The following ODAD2 variants were observed in gnomAD, a reference collection of about 807,000 sequenced individuals.
ODAD2 encodes outer dynein arm-docking complex subunit 2.
ODAD2 carries 89 observed loss-of-function variants against 106.8 expected under a neutral mutation model. The ratio of observed to expected loss-of-function variants is 0.83; its 90% CI spans 0.70 to 0.99. The LOEUF (loss-of-function observed/expected upper bound fraction) is 0.99. Among genes scored for constraint, ODAD2 ranks in the 50% least tolerant of loss-of-function variants. The pLI is 0.00. For missense variants in ODAD2, 1,168 were observed against 1,238.5 expected, an observed-to-expected ratio of 0.94 and a Z score of 0.85; for synonymous variants, 404 against 436.2, an observed-to-expected ratio of 0.93 and a Z score of 0.92.
intron 7 of ODAD2, among the ~76,000 whole-genome samples, chr10:27,971,536 C>T (rs1848862873): frequency 6.6e-6 from 1 of 152,154 alleles, no homozygotes; most frequent in Non-Finnish European, 1.5e-5. Context: ...TGCAGCACAA[C>T]AGATACAACT....
chr10:27,891,499 A>T (rs1373959300), intron 17 of ODAD2, among the ~76,000 whole-genome samples: 1 of 152,054 alleles, frequency 6.6e-6, no homozygotes, highest in East Asian at 1.9e-4. Flanking sequence ...TGGAAGACAT[A>T]TTGAGTTTTC....
chr10:27,986,913 G>A lies in ODAD2; in HGVS notation c.382+473C>T, dbSNP rs185555601. Among the ~76,000 whole-genome samples the A allele has an allele frequency of 9.2e-4, 140 of 152,334 alleles. 1 individual carries two copies. Among genetic ancestry groups the A allele is most frequent in the African/African-American group, 3.3e-3 (139 of 41,580 alleles). ...GAATATGGCTGAGAAAAGTGGAAAG[G>A]GAGACTATTAAAGGCTGTCTCTGCT... On this transcript the variant is annotated intron_variant, in intron 3 of 19. Coordinates refer to ENST00000305242, the MANE Select transcript of ODAD2 (RefSeq NM_018076.5).
At chr10:27,820,718 A>T (rs1836533601) in intron 19 of ODAD2, among the ~76,000 whole-genome samples, 1 of 150,136 alleles carries the variant, frequency 6.7e-6, no homozygotes, top group Non-Finnish European at 1.5e-5. Flanking sequence ...TTCATTCTAT[A>T]TCCCATATGC....
At position 27,995,110 on chromosome 10, in the gene ODAD2, C is replaced by T; in HGVS notation, c.33G>A (p.Trp11Ter). 6.2e-7 allele frequency: 1 copy of T among 1,614,122 alleles called. No individual in the cohort carries two copies. Among genetic ancestry groups the T allele is most frequent in the Non-Finnish European group, 8.5e-7 (1 of 1,180,022 alleles). MGVALRKLTQ[W>*]TAAGHGTGIL... ...TTCCAGTTCCATGTCCGGCAGCAGT[C>T]CACTGCGTCAATTTCCTCAGAGCCA... The change falls in exon 2 of 20, where the codon TGG (tryptophan) becomes TGA (stop). Residue 11 changes from tryptophan to a stop codon, truncating the protein, a stop_gained. Coordinates refer to ENST00000305242, the MANE Select transcript of ODAD2 (RefSeq NM_018076.5). LOFTEE classifies it high-confidence loss of function.
chr10:27,920,892 T>C (rs1262376075), intron 16 of ODAD2, among the ~76,000 whole-genome samples: 1 of 151,718 alleles, frequency 6.6e-6, no homozygotes, highest in Non-Finnish European at 1.5e-5. Flanking sequence ...TGCAACATAA[T>C]TATGTTTAAA....
At chr10:27,922,411 A>G (rs962242071) in intron 16 of ODAD2, among the ~76,000 whole-genome samples, 1 of 152,106 alleles carries the variant, frequency 6.6e-6, no homozygotes, top group African/African-American at 2.4e-5. Context: ...ATATATATGT[A>G]ACTGTTGATC....
At chr10:27,996,475 A>G (rs1317588977) in intron 1 of ODAD2, among the ~76,000 whole-genome samples, 1 of 152,142 alleles carries the variant, frequency 6.6e-6, no homozygotes, top group African/African-American at 2.4e-5. Flanking sequence ...ATCGGCCTTT[A>G]GTGTTGAGGA....
chr10:27,965,320 GA>G (rs768086264), intron 9 of ODAD2, among the ~76,000 whole-genome samples: 101 of 152,310 alleles, frequency 6.6e-4, no homozygotes, highest in Non-Finnish European at 5.4e-4. Flanking sequence ...AGAGCCTAGG[GA>G]AAAGAAGATC....
At chr10:27,951,747 T>C (rs1163689583) in intron 10 of ODAD2, among the ~76,000 whole-genome samples, 1 of 151,424 alleles carries the variant, frequency 6.6e-6, no homozygotes, top group Non-Finnish European at 1.5e-5. Flanking sequence ...CATGAAGAAA[T>C]AGAAGATATT....
rs1842718474 is a variant in ODAD2, at chr10:27,894,026, T to C, written c.2610+13637A>G. Among the ~76,000 whole-genome samples, 8 of 152,068 alleles carry C rather than the reference T, an allele frequency of 5.3e-5. No individual in the cohort carries two copies. The South Asian group carries it at 1.7e-3, about 32-fold the overall frequency. On this transcript the variant is annotated intron_variant, in intron 17 of 19. Transcript: ENST00000305242. ...CAGGCATGGTGGCTCAGGCCTGGAG[T>C]CCTAACTACTCTGGAGGCTGAGGCA... is the stretch of plus-strand genomic sequence containing the variant.
chr10:27,939,467 G>C (rs1306927616), intron 14 of ODAD2, among the ~76,000 whole-genome samples: 2 of 152,156 alleles, frequency 1.3e-5, no homozygotes, highest in Admixed American at 1.3e-4. Context: ...TGTAATCCCA[G>C]CACTTTGGGA....
intron 2 of ODAD2, among the ~76,000 whole-genome samples, chr10:27,994,055 A>G (rs1186720153): frequency 4.0e-5 from 6 of 151,676 alleles, no homozygotes; most frequent in Non-Finnish European, 8.8e-5. Context: ...TAATGAACTA[A>G]TACATTCTTA....
chr10:27,961,692 T>G lies in ODAD2; in HGVS notation c.1262A>C (p.Glu421Ala). 1 of 1,606,904 alleles carries G rather than the reference T, an allele frequency of 6.2e-7. No individual in the cohort carries two copies. The highest frequency in any genetic ancestry group is 2.2e-5 in the East Asian group (1 of 44,816). The change falls in exon 10 of 20, where the codon GAA becomes GCA. Residue 421 changes from glutamate (E) to alanine (A), a missense_variant. This residue lies in a region of ODAD2 where 37 missense variants were observed against 74.1 expected (regional missense o/e 0.50). Coordinates refer to ENST00000305242, the MANE Select transcript of ODAD2 (RefSeq NM_018076.5). ...TTCTGAGGAGCTATCGCTAACAGTTTCCTCAATCTTTTCAGCACTCTTCCT... is the reference window on the plus strand; with the variant it reads ...TTCTGAGGAGCTATCGCTAACAGTTGCCTCAATCTTTTCAGCACTCTTCCT... ...LLRKSAEKIEETVSDSSSESE... is the reference protein window; with the variant it reads ...LLRKSAEKIEATVSDSSSESE...
rs1409076511 is a variant in ODAD2 at position 27,892,626 on chromosome 10, A to G, written c.2610+15037T>C. 2.0e-5 allele frequency among the ~76,000 whole-genome samples: 3 copies of G among 152,256 alleles called. No homozygotes were observed. The East Asian group carries it at 5.8e-4, about 29-fold the overall frequency. On this transcript the variant is annotated intron_variant, in intron 17 of 19. Coordinates refer to ENST00000305242, the MANE Select transcript of ODAD2 (RefSeq NM_018076.5). Reference sequence around the variant, plus strand: ...ATGAAGTTTTAAACTTAACTGAAACACTAGTCTACCAACAAAAAGGTCAAT... The same window carrying G: ...ATGAAGTTTTAAACTTAACTGAAACGCTAGTCTACCAACAAAAAGGTCAAT...
At chr10:27,930,816 C>A (rs894819091) in intron 16 of ODAD2, among the ~76,000 whole-genome samples, 3 of 152,174 alleles carry the variant, frequency 2.0e-5, no homozygotes, top group Non-Finnish European at 4.4e-5. Context: ...CCCTTTCACA[C>A]TGAGAACACG....
chr10:27,986,553 G>A (rs749239718), intron 3 of ODAD2, among the ~76,000 whole-genome samples: 24 of 152,128 alleles, frequency 1.6e-4, no homozygotes, highest in Non-Finnish European at 2.6e-4. Flanking sequence ...AAAAGAGGTT[G>A]CCATCCTGAG....
intron 19 of ODAD2, among the ~76,000 whole-genome samples, chr10:27,816,240 G>A (rs1256726189): frequency 6.6e-6 from 1 of 152,154 alleles, no homozygotes; most frequent in African/African-American, 2.4e-5. Context: ...TGTATCTAGA[G>A]TAATTGCCTA....
chr10:27,969,693 T>G (rs1299662851), intron 8 of ODAD2, among the ~76,000 whole-genome samples: 1 of 152,196 alleles, frequency 6.6e-6, no homozygotes, highest in Non-Finnish European at 1.5e-5. Context: ...ACCCTGTGAT[T>G]CCCAGAATCC....
At chr10:27,916,365 G>C (rs1028903636) in intron 16 of ODAD2, among the ~76,000 whole-genome samples, 1 of 152,132 alleles carries the variant, frequency 6.6e-6, no homozygotes, top group Non-Finnish European at 1.5e-5. Context: ...GCAAAGGGGA[G>C]GAGATGGGGA....
Sources: gnomAD v4.1 joint callset for allele counts (sites outside exome capture counted in the v4.1 genomes callset) on GRCh38, gnomAD v4.1.1 for gene constraint, gnomAD v4.1.1 regional missense constraint, MANE v1.5 for transcripts, NCBI Gene and HGNC (gene_info 2026-07-23, HGNC 2026-07-21) for gene names.